NID2: variants seen among roughly 807,000 people sequenced by gnomAD.
NID2 encodes nidogen-2.
A neutral mutation model predicts 145.4 loss-of-function variants in NID2; 83 were observed. The ratio of observed to expected loss-of-function variants is 0.57; its 90% CI spans 0.48 to 0.69. The LOEUF (loss-of-function observed/expected upper bound fraction) is 0.69, where lower values mean the gene tolerates loss of function less well. Ranked by LOEUF, NID2 falls within the 30% of genes least tolerant of loss-of-function variation. The probability of loss-of-function intolerance (pLI) is 0.00; values close to 1 mark genes in which losing one functional copy is unlikely to be tolerated. For missense variants in NID2, 1,807 were observed against 1,765.7 expected (o/e 1.02, Z -0.42); for synonymous variants, 739 against 701.3 (o/e 1.05, Z -0.85).
intron 11 of NID2, 146 bp downstream of exon 11, chr14:52,028,576 C>T (rs1012593863): frequency 2.2e-6 from 2 of 911,136 alleles, no homozygotes; most frequent in Middle Eastern, 2.2e-4. Flanking sequence ...ATCCAGCCAG[C>T]TTTGGGTTAT....
At chr14:52,007,526 A>C in intron 19 of NID2, 1 of 377,876 alleles carries the variant, frequency 2.6e-6, no homozygotes, top group Non-Finnish European at 4.8e-6. Context: ...TAAGTTTGTC[A>C]ATTCAACAAT....
At chr14:52,015,431 C>T in intron 14 of NID2, among the ~76,000 whole-genome samples, 156 bp from the exon 15 acceptor site, 1 of 152,220 alleles carries the variant, frequency 6.6e-6, no homozygotes, top group East Asian at 1.9e-4. Context: ...ACTTGGGAAG[C>T]AAATGTGTTC....
intron 9 of NID2, among the ~76,000 whole-genome samples, chr14:52,037,877 A>C (rs760408550): frequency 2.6e-4 from 40 of 152,228 alleles, no homozygotes; most frequent in African/African-American, 1.4e-4. Context: ...TTAAAAATTT[A>C]TCTCTTTTTG....
intron 3 of NID2, among the ~76,000 whole-genome samples, chr14:52,057,721 A>AAAAAAAG (rs1372950029): frequency 1.0e-4 from 15 of 149,770 alleles, no homozygotes; most frequent in Non-Finnish European, 1.0e-4. Flanking sequence ...AAAAAAAAAA[A>AAAAAAAG]AAAAAAGAAA....
intron 5 of NID2, among the ~76,000 whole-genome samples, chr14:52,043,828 G>A (rs1195677478): frequency 1.3e-5 from 2 of 152,212 alleles, no homozygotes; most frequent in East Asian, 1.9e-4. Context: ...TGCTTTCTCC[G>A]GGGCACTAGG....
intron 7 of NID2, among the ~76,000 whole-genome samples, chr14:52,041,823 G>T (rs7148698): frequency 0.16 from 23,645 of 152,206 alleles, 2,060 homozygotes; most frequent in Middle Eastern, 0.27. Flanking sequence ...CAAATATGCT[G>T]CAACAAATTG....
intron 5 of NID2, among the ~76,000 whole-genome samples, chr14:52,053,194 T>C (rs1191353018): frequency 1.3e-5 from 2 of 152,176 alleles, no homozygotes; most frequent in African/African-American, 4.8e-5. Context: ...CTCACCACTT[T>C]AAAAAGCACA....
At chr14:52,065,151 C>T (rs527259142) in intron 2 of NID2, among the ~76,000 whole-genome samples, 1 of 152,222 alleles carries the variant, frequency 6.6e-6, no homozygotes, top group Admixed American at 6.5e-5. Context: ...AACATCTGGT[C>T]ACACCTGACA....
chr14:52,011,717 A>C (rs777940942), intron 16 of NID2, 34 bp from the exon 17 acceptor site: 1 of 1,613,130 alleles, frequency 6.2e-7, no homozygotes, highest in South Asian at 1.1e-5. Flanking sequence ...TAGAAGAATT[A>C]GGTTACATTT....
chr14:52,008,537 A>G (rs1348282688), intron 18 of NID2: 1 of 152,214 alleles, frequency 6.6e-6, no homozygotes, highest in Admixed American at 6.5e-5. Flanking sequence ...GCAGTAGGTA[A>G]CTAATACACA....
At chr14:52,051,965 A>C (rs730531) in intron 5 of NID2, among the ~76,000 whole-genome samples, 1 of 151,980 alleles carries the variant, frequency 6.6e-6, no homozygotes, top group Non-Finnish European at 1.5e-5. Context: ...CTCAGAGCCC[A>C]AAGCAGGGTG....
At chr14:52,030,246 G>T (rs1202927812) in intron 9 of NID2, among the ~76,000 whole-genome samples, 3 of 152,002 alleles carry the variant, frequency 2.0e-5, no homozygotes, top group Non-Finnish European at 4.4e-5. Context: ...GACTAAACAG[G>T]AATGACTTTC....
At chr14:52,011,738 C>A in intron 16 of NID2, 55 bp from the exon 17 acceptor site, 1 of 1,604,454 alleles carries the variant, frequency 6.2e-7, no homozygotes, top group South Asian at 1.1e-5. Context: ...CCCCTTTGTT[C>A]ACACTCAGCT....
chr14:52,053,209 C>T (rs1357953029), intron 5 of NID2, among the ~76,000 whole-genome samples: 1 of 152,192 alleles, frequency 6.6e-6, no homozygotes, highest in East Asian at 1.9e-4. Flanking sequence ...AGCACAAACC[C>T]GTCCATCACT....
intron 9 of NID2, among the ~76,000 whole-genome samples, chr14:52,034,693 C>T (rs2029979): frequency 0.83 from 125,665 of 152,148 alleles, 53,268 homozygotes; most frequent in East Asian, 0.97. Context: ...AAGGAGCCCT[C>T]AGCTCCAATA....
intron 2 of NID2, among the ~76,000 whole-genome samples, chr14:52,067,326 G>A (rs571517385): frequency 5.3e-4 from 80 of 152,128 alleles, no homozygotes; most frequent in African/African-American, 1.8e-3. Flanking sequence ...ACTATTCTGT[G>A]AAAAAAGCAA....
chr14:52,023,035 G>A (rs1245167178), intron 12 of NID2, among the ~76,000 whole-genome samples: 1 of 152,216 alleles, frequency 6.6e-6, no homozygotes, highest in African/African-American at 2.4e-5. Context: ...ACCTGTAAGT[G>A]TAATAAACTA....
At chr14:52,018,923 C>T (rs1376151218) in intron 14 of NID2, 138 bp downstream of exon 14, 3 of 638,586 alleles carry the variant, frequency 4.7e-6, no homozygotes, top group Non-Finnish European at 8.5e-6. Context: ...TTTGTACGCA[C>T]TATTATTCAA....
At chr14:52,034,710 C>T (rs1220171094) in intron 9 of NID2, among the ~76,000 whole-genome samples, 1 of 152,202 alleles carries the variant, frequency 6.6e-6, no homozygotes, top group East Asian at 1.9e-4. Flanking sequence ...AATAACAAAG[C>T]ACAGAACCGC....
Sources: gnomAD v4.1 joint callset for allele counts (sites outside exome capture counted in the v4.1 genomes callset) on GRCh38, gnomAD v4.1.1 for gene constraint, MANE v1.5 for transcripts, NCBI Gene and HGNC (gene_info 2026-07-23, HGNC 2026-07-21) for gene names.